Variants in DDB1 observed in about 807,000 individuals in gnomAD.
DDB1 encodes the protein damage specific DNA binding protein 1, also known as DNA damage-binding protein 1.
DDB1 carries 18 observed loss-of-function variants against 133.1 expected under a neutral mutation model. That is an observed-to-expected ratio of 0.14 (90% confidence interval 0.09 to 0.20). The LOEUF (loss-of-function observed/expected upper bound fraction) is 0.20, where lower values mean the gene tolerates loss of function less well. DDB1 is among the 10% of genes least tolerant of loss of function. The pLI, the probability that DDB1 is intolerant of heterozygous loss-of-function variation, is 1.00. For synonymous variants in DDB1, 580 were observed against 550.5 expected, an observed-to-expected ratio of 1.05 and a Z score of -0.75; for missense variants, 828 against 1,459.2, an observed-to-expected ratio of 0.57 and a Z score of 7.05.
intron 14 of DDB1, 35 bp downstream of exon 14, chr11:61,314,012 C>A: frequency 6.2e-7 from 1 of 1,614,092 alleles, no homozygotes; most frequent in Non-Finnish European, 8.5e-7. Flanking sequence ...CACATTTTGA[C>A]TCTGTCCCAA....
At position 61,322,317 on chromosome 11, in the gene DDB1, C is replaced by A. The variant is rs1856195031; in HGVS notation, c.1101G>T (p.Leu367=). Residue 367 remains leucine (L), a synonymous_variant, in exon 9 of 27, where the codon CTG becomes CTT. Coordinates refer to ENST00000301764, the MANE Select transcript of DDB1 (RefSeq NM_001923.5). ...TTACCTGCCCCTGCCCCTGCCTCTC[C>A]AGGTCCACCACGCACATATCGACAA... is the stretch of plus-strand genomic sequence containing the variant. ...GPIVDMCVVD[L]ERQGQGQLVT... 6.2e-7 allele frequency: 1 copy of A among 1,614,044 alleles called. No individual in the cohort carries two copies.
At chr11:61,305,626 A>G (rs1855871300) in intron 21 of DDB1, among the ~76,000 whole-genome samples, 2 of 152,260 alleles carry the variant, frequency 1.3e-5, no homozygotes, top group East Asian at 1.9e-4. Context: ...CCTCCAACAG[A>G]AAGAGTGAAG....
chr11:61,313,496 C>T lies in DDB1; in HGVS notation c.2069+3G>A, dbSNP rs935376279. ...CTCATTAAATAAGGAAAAAGAGACTCACCTGTCAGGATAGCCATCTGAATT... is the reference window on the plus strand; with the variant it reads ...CTCATTAAATAAGGAAAAAGAGACTTACCTGTCAGGATAGCCATCTGAATT... On this transcript the variant is annotated splice_donor_region_variant and intron_variant, in intron 16 of 26. Coordinates refer to ENST00000301764, the MANE Select transcript of DDB1 (RefSeq NM_001923.5). 4 of 1,613,462 alleles carry T rather than the reference C, an allele frequency of 2.5e-6. No homozygotes were observed. The highest frequency in any genetic ancestry group is 3.4e-6 in the Non-Finnish European group (4 of 1,179,516).
chr11:61,311,321 C>CACATAACATA (rs111885835), intron 18 of DDB1: 1 of 128,504 alleles, frequency 7.8e-6, no homozygotes, highest in African/African-American at 4.3e-5. Flanking sequence ...CATAACATAA[C>CACATAACATA]ACATAACATA....
chr11:61,317,146 G>A (rs1361392003), intron 10 of DDB1, among the ~76,000 whole-genome samples: 1 of 151,632 alleles, frequency 6.6e-6, no homozygotes, highest in African/African-American at 2.4e-5. Context: ...ACGGAGTCTC[G>A]CTCTGTCACC....
intron 3 of DDB1, among the ~76,000 whole-genome samples, 173 bp downstream of exon 3, chr11:61,329,785 C>G (rs1002364081): frequency 4.6e-5 from 7 of 152,164 alleles, no homozygotes; most frequent in African/African-American, 1.7e-4. Context: ...TTACCCTGTC[C>G]CTTGGGTCTT....
At chr11:61,319,212 T>C (rs1320187293) in intron 10 of DDB1, among the ~76,000 whole-genome samples, 1 of 152,068 alleles carries the variant, frequency 6.6e-6, no homozygotes, top group Admixed American at 6.5e-5. Flanking sequence ...TCTCAAAAAA[T>C]GAATACAAAT....
chr11:61,325,786 GT>G, intron 5 of DDB1, 78 bp from the exon 6 acceptor site: 1 of 1,172,242 alleles, frequency 8.5e-7, no homozygotes, highest in Non-Finnish European at 1.3e-6. Context: ...TACAGGTCTA[GT>G]TAGCCCCAAG....
chr11:61,311,014 G>A (rs1191668074), intron 18 of DDB1: 1 of 152,298 alleles, frequency 6.6e-6, no homozygotes. Flanking sequence ...AGCACTTCGG[G>A]AGGCCGAGGC....
rs1856182698 is a variant in DDB1 at position 61,321,616 on chromosome 11, T to C, written c.1204A>G (p.Ile402Val). The change falls in exon 10 of 27, where the codon ATT becomes GTT. Residue 402 changes from isoleucine to valine, a missense_variant. By Grantham distance (29) the Ile-to-Val change is conservative. This residue lies in a region of DDB1 where 35 missense variants were observed against 123.3 expected (regional missense o/e 0.28). Coordinates refer to ENST00000301764, the MANE Select transcript of DDB1 (RefSeq NM_001923.5). Reference sequence around the variant, plus strand: ...CTACCTTTGATGCCTGGTAAGTCAATGCTGGCATGCTCGTGGATTCCAATT... The same window carrying C: ...CTACCTTTGATGCCTGGTAAGTCAACGCTGGCATGCTCGTGGATTCCAATT... Reference protein sequence around the residue: ...NGIGIHEHASIDLPGIKGLWP... With the variant: ...NGIGIHEHASVDLPGIKGLWP... The C allele has an allele frequency of 6.2e-7, 1 of 1,614,058 alleles. No homozygotes were observed. The highest frequency in any genetic ancestry group is 1.3e-5 in the African/African-American group (1 of 74,928).
chr11:61,315,606 A>G (rs1281921754), intron 12 of DDB1: 1 of 152,264 alleles, frequency 6.6e-6, no homozygotes, highest in Non-Finnish European at 1.5e-5. Context: ...ACCAAAGGCA[A>G]GACAGACTCT....
At chr11:61,320,325 C>T (rs975316928) in intron 10 of DDB1, among the ~76,000 whole-genome samples, 2 of 151,876 alleles carry the variant, frequency 1.3e-5, no homozygotes, top group Non-Finnish European at 2.9e-5. Context: ...CTCAGCCTCC[C>T]GAGTAGCTGG....
intron 23 of DDB1, 23 bp from the exon 24 acceptor site, chr11:61,302,774 C>T: frequency 1.9e-6 from 3 of 1,613,760 alleles, no homozygotes; most frequent in Non-Finnish European, 2.5e-6. Context: ...AAGAAAGTCA[C>T]TTTCTGAACC....
At chr11:61,323,722 C>A (rs1856223280) in intron 7 of DDB1, 5 of 429,580 alleles carry the variant, frequency 1.2e-5, no homozygotes, top group Non-Finnish European at 1.7e-5. Context: ...CTAGATTGAT[C>A]TTTAATTCCA....
chr11:61,333,055 C>T lies in DDB1; in HGVS notation c.-87G>A. The T allele has an allele frequency of 2.4e-6, 3 of 1,265,546 alleles. No homozygotes were observed. Among genetic ancestry groups the T allele is most frequent in the Non-Finnish European group, 3.2e-6 (3 of 943,394 alleles). The allele number at this position is 1,265,546 out of a possible 1,614,324, so 78.4% of individuals were successfully genotyped here. A position where few individuals can be genotyped will look rare whatever the true frequency, so the allele number is the denominator to read the frequency against. ...AAAAGACAGGTGGCCCCCAACAGCG[C>T]GCAGCGAACTCCACTGCCGCTGCCT... is the stretch of plus-strand genomic sequence containing the variant. On this transcript the variant is annotated 5_prime_UTR_variant, in exon 1 of 27. Coordinates refer to ENST00000301764, the MANE Select transcript of DDB1 (RefSeq NM_001923.5).
chr11:61,329,167 G>T (rs1344819797), intron 4 of DDB1, among the ~76,000 whole-genome samples, 196 bp downstream of exon 4: 1 of 152,170 alleles, frequency 6.6e-6, no homozygotes, highest in Admixed American at 6.5e-5. Flanking sequence ...AGAGCTTGCT[G>T]CCTCCACAAT....
chr11:61,311,454 A>C (rs1318995284), intron 18 of DDB1: 1 of 255,108 alleles, frequency 3.9e-6, no homozygotes, highest in Non-Finnish European at 7.3e-6. Context: ...TAAAAAAAAA[A>C]CAAACAAACA....
intron 21 of DDB1, among the ~76,000 whole-genome samples, chr11:61,305,869 G>C (rs1855874421): frequency 6.6e-6 from 1 of 152,182 alleles, no homozygotes; most frequent in South Asian, 2.1e-4. Flanking sequence ...ATGTTGAGAT[G>C]TGTTCTGACT....
intron 10 of DDB1, among the ~76,000 whole-genome samples, chr11:61,319,243 C>A (rs995849876): frequency 3.3e-5 from 5 of 152,134 alleles, no homozygotes; most frequent in Non-Finnish European, 5.9e-5. Context: ...AAAGTCCCAA[C>A]TTTACTCACT....
Sources: gnomAD v4.1 joint callset for allele counts (sites outside exome capture counted in the v4.1 genomes callset) on GRCh38, gnomAD v4.1.1 for gene constraint, gnomAD v4.1.1 regional missense constraint, MANE v1.5 for transcripts, NCBI Gene and HGNC (gene_info 2026-07-23, HGNC 2026-07-21) for gene names.